Variants in DOC2A observed in about 807,000 individuals in gnomAD.
DOC2A encodes double C2-like domain-containing protein alpha.
Under a neutral mutation model 40.6 loss-of-function variants are expected in DOC2A, and 28 were observed. That is an observed-to-expected ratio of 0.69 (90% CI 0.51 to 0.95). DOC2A has a LOEUF of 0.95. DOC2A is among the 40% of genes least tolerant of loss of function. DOC2A has a pLI of 0.00. For synonymous variants in DOC2A, 241 were observed against 236.9 expected (o/e 1.02, Z -0.16); for missense variants, 474 against 552.5 (o/e 0.86, Z 1.42).
chr16:30,005,567 AC>A lies in DOC2A; in HGVS notation c.*618del. ...CTGCCATGCTCCGGCCACTGACACAACCAGAAAAGGCGTAAACATGCACGGG... is the reference window on the plus strand; with the variant it reads ...CTGCCATGCTCCGGCCACTGACACAACAGAAAAGGCGTAAACATGCACGGG... On this transcript the variant is annotated 3_prime_UTR_variant, in exon 11 of 11. Transcript: ENST00000350119. 1.1e-6 allele frequency: 1 copy of A among 947,144 alleles called. No homozygotes were observed. The highest frequency in any genetic ancestry group is 1.6e-6 in the Non-Finnish European group (1 of 621,458). 58.7% of individuals were successfully genotyped at this position (947,144 alleles called of 1,614,324 possible).
chr16:30,010,349 C>G lies in DOC2A; in HGVS notation c.-13-114G>C, dbSNP rs1235258498. 7.0e-7 allele frequency: 1 copy of G among 1,435,036 alleles called. No homozygotes were observed. The highest frequency in any genetic ancestry group is 9.7e-7 in the Non-Finnish European group (1 of 1,035,598). The allele number at this position is 1,435,036 out of a possible 1,614,324, so 88.9% of individuals were successfully genotyped here. On this transcript the variant is annotated intron_variant, in intron 1 of 10. Transcript: ENST00000350119. This position sits in a 1 kb window ranked among gnomAD's most constrained non-coding sequence, Gnocchi z 4.2. ...CTCACTGGCCTCCCTTCCTAGGTGT[C>G]GAGGGAGAGGGTGGTGTGTGCCAGC... is the stretch of plus-strand genomic sequence containing the variant.
In DOC2A at chr16:30,009,185, C is replaced by T. The variant is rs1367312801; in HGVS notation, c.417+17G>A. 5.6e-6 allele frequency: 9 copies of T among 1,605,716 alleles called. No individual in the cohort carries two copies. Among genetic ancestry groups the T allele is most frequent in the African/African-American group, 5.3e-5 (4 of 74,802 alleles). ...GAGTCATGGGCTGGGCCGGGCGGGG[C>T]GAGAGGAGGCTGTTACCTTACAGGC... On this transcript the variant is annotated intron_variant, in intron 4 of 10. Transcript: ENST00000350119. This position sits in a 1 kb window ranked among gnomAD's most constrained non-coding sequence, Gnocchi z 4.1.
At chr16:30,015,106 G>GTGAAAAAATAAAAATAATAA (rs2070842163), upstream of DOC2A, 1 of 151,954 alleles carries the variant, frequency 6.6e-6, no homozygotes, top group Admixed American at 6.6e-5. Context: ...AGCTGAGAGA[G>GTGAAAAAATAAAAATAATAA]TGAAAAAATA....
chr16:30,012,885 G>A (rs2070807997), upstream of DOC2A, among the ~76,000 whole-genome samples: 1 of 151,844 alleles, frequency 6.6e-6, no homozygotes, highest in Admixed American at 6.6e-5. Context: ...ATGTGTCTTG[G>A]GAGGCTGAGG....
rs915108378 is a variant in DOC2A, at chr16:30,018,149, TTGA to T, written c.-376+3031_-376+3033del. Among the ~76,000 whole-genome samples, 8 of 143,534 alleles carry T rather than the reference TTGA, an allele frequency of 5.6e-5. 1 individual carries two copies. The Admixed American group carries it at 5.6e-4, about 10-fold the overall frequency. The allele number at this position is 143,534 out of a possible 152,430, so 94.2% of individuals were successfully genotyped here. A position where few individuals can be genotyped will look rare whatever the true frequency, so the allele number is the denominator to read the frequency against. On this transcript the variant is annotated intron_variant, in intron 1 of 5. Transcript: ENST00000574405. The stretch of plus-strand genomic sequence containing the variant: ...AAAAAACTTAGCTGGGCATGATGAC[TTGA>T]TGATGCAGTCCCAGCTACTTGGGAG...
Position 30,006,019 on chromosome 16 carries a change from G to C in DOC2A, c.*167C>G. ...CAGGAGGTTTGCATATGTGAATATAGAACTCCGCAGCCCCTCATGAGCAGA... is the reference window on the plus strand; with the variant it reads ...CAGGAGGTTTGCATATGTGAATATACAACTCCGCAGCCCCTCATGAGCAGA... On this transcript the variant is annotated 3_prime_UTR_variant, in exon 11 of 11. Transcript: ENST00000350119. This position sits in a 1 kb window ranked among gnomAD's most constrained non-coding sequence, Gnocchi z 6.2. 1 of 748,080 alleles carries C rather than the reference G, an allele frequency of 1.3e-6. No individual in the cohort carries two copies. The highest frequency in any genetic ancestry group is 2.1e-6 in the Non-Finnish European group (1 of 471,364). The allele number at this position is 748,080 out of a possible 1,614,324, so 46.3% of individuals were successfully genotyped here. A position where few individuals can be genotyped will look rare whatever the true frequency, so the allele number is the denominator to read the frequency against.
upstream of DOC2A, among the ~76,000 whole-genome samples, chr16:30,015,706 T>C (rs1199211673): frequency 1.4e-5 from 2 of 146,782 alleles, no homozygotes; most frequent in Non-Finnish European, 3.0e-5. Flanking sequence ...TTTTTCTTTT[T>C]TTTTTTTTTT....
At position 30,006,207 on chromosome 16, in the gene DOC2A, G is replaced by A. The variant is rs1013103342; in HGVS notation, c.1182C>T (p.Ala394=). Residue 394 remains alanine, a synonymous_variant, in exon 11 of 11, where the codon GCC becomes GCT. Transcript: ENST00000350119. This position sits in a 1 kb window ranked among gnomAD's most constrained non-coding sequence, Gnocchi z 6.2. ...CCACTCAGGCTGAGGACAGAGCCCC[G>A]GCCGCAGGGGGCAGCTCACTGGTCA... The part of the protein sequence containing the change: ...HTLTSELPPA[A]GALSSA The A allele has an allele frequency of 1.3e-5, 21 of 1,585,204 alleles. No individual in the cohort carries two copies. In the East Asian group the frequency reaches 1.8e-4, roughly 14 times the overall value.
chr16:30,013,373 C>T (rs2070816379), upstream of DOC2A: 1 of 148,312 alleles, frequency 6.7e-6, no homozygotes, highest in Admixed American at 6.8e-5. Context: ...TCATGCCATT[C>T]TCCTGCCTCA....
upstream of DOC2A, among the ~76,000 whole-genome samples, chr16:30,014,006 C>T (rs965545517): frequency 2.6e-5 from 4 of 151,802 alleles, no homozygotes; most frequent in East Asian, 1.9e-4. Context: ...TGAGCCACCG[C>T]GCCTGGCCAT....
At position 30,009,000 on chromosome 16, in the gene DOC2A, G is replaced by A. The variant is rs1485633066; in HGVS notation, c.523C>T (p.Leu175Phe). 1 of 1,611,774 alleles carries A rather than the reference G, an allele frequency of 6.2e-7. No individual in the cohort carries two copies. Among genetic ancestry groups the A allele is most frequent in the Non-Finnish European group, 8.5e-7 (1 of 1,178,312 alleles). ...ITDDDITHKV[L>F]RIAVCDEDKL... ...GGTGGGGAGGGGGGCCCTCACCTGA[G>A]CACCTTGTGCGTGATGTCGTCATCT... The change falls in exon 5 of 11, where the codon CTC (leucine) becomes TTC (phenylalanine). Residue 175 changes from leucine to phenylalanine, a missense_variant. Leu to Phe is a conservative substitution (Grantham distance 22, BLOSUM62 0). Transcript: ENST00000350119.
chr16:30,014,130 G>A (rs1428158133), upstream of DOC2A, among the ~76,000 whole-genome samples: 1 of 151,296 alleles, frequency 6.6e-6, no homozygotes, highest in African/African-American at 2.4e-5. Context: ...AGTGAAATAG[G>A]GTGCAGCCAC....
Position 30,006,180 on chromosome 16 carries a change from G to A in DOC2A, c.*6C>T, listed in dbSNP as rs751740535. 201 of 1,575,780 alleles carry A rather than the reference G, an allele frequency of 1.3e-4. 1 individual carries two copies. Among genetic ancestry groups the A allele is most frequent in the Non-Finnish European group, 3.2e-5 (37 of 1,161,998 alleles). ...GATGGGCCTGTGCCGGGACACTGCT[G>A]TCCACTCAGGCTGAGGACAGAGCCC... On this transcript the variant is annotated 3_prime_UTR_variant, in exon 11 of 11. Coordinates refer to ENST00000350119, the MANE Select transcript of DOC2A (RefSeq NM_003586.3). The surrounding 1 kb of genome is among the most constrained non-coding windows in gnomAD (Gnocchi z 6.2).
At chr16:30,020,304 A>G (rs905136509) in intron 1 of DOC2A, among the ~76,000 whole-genome samples, 1 of 152,048 alleles carries the variant, frequency 6.6e-6, no homozygotes, top group Non-Finnish European at 1.5e-5. Flanking sequence ...TTGGCCTCCC[A>G]AAGTGCTGGG....
Position 30,009,036 on chromosome 16 carries a change from T to C in DOC2A, c.487A>G (p.Ser163Gly). The C allele has an allele frequency of 1.2e-6, 2 of 1,614,092 alleles. No individual in the cohort carries two copies. Among genetic ancestry groups the C allele is most frequent in the Non-Finnish European group, 1.7e-6 (2 of 1,180,010 alleles). ...GTGATGTCGTCATCTGTGATCCCGC[T>C]GTAAGTCAGGTCCTCATTCCACACG... ...NPVWNEDLTY[S>G]GITDDDITHK... is the part of the protein sequence containing the mutation. Residue 163 changes from serine (S) to glycine (G), a missense_variant, in exon 5 of 11, where the codon AGC becomes GGC. Ser to Gly is a moderately conservative substitution (Grantham distance 56). Transcript: ENST00000350119. This position sits in a 1 kb window ranked among gnomAD's most constrained non-coding sequence, Gnocchi z 4.1.
intron 1 of DOC2A, among the ~76,000 whole-genome samples, chr16:30,020,033 C>T (rs1055370218): frequency 5.9e-5 from 9 of 152,258 alleles, no homozygotes; most frequent in East Asian, 1.9e-4. Context: ...CTCAGCCTCC[C>T]GAGTAGCTGG....
chr16:30,010,868 T>C lies in DOC2A; in HGVS notation c.-14+35A>G. ...CAGGCTGGCACGCTTCCCCGCACCC[T>C]CACGCCCCCGGCCTGCCCAGCCCCC... is the stretch of plus-strand genomic sequence containing the variant. On this transcript the variant is annotated intron_variant, in intron 1 of 10. Coordinates refer to ENST00000350119, the MANE Select transcript of DOC2A (RefSeq NM_003586.3). This position sits in a 1 kb window ranked among gnomAD's most constrained non-coding sequence, Gnocchi z 4.2. The C allele has an allele frequency of 1.0e-6, 1 of 999,170 alleles. No individual in the cohort carries two copies. The highest frequency in any genetic ancestry group is 1.2e-6 in the Non-Finnish European group (1 of 837,644). The allele number at this position is 999,170 out of a possible 1,614,324, so 61.9% of individuals were successfully genotyped here.
chr16:30,016,355 T>G (rs1382158544), upstream of DOC2A, among the ~76,000 whole-genome samples: 1 of 152,058 alleles, frequency 6.6e-6, no homozygotes, highest in East Asian at 1.9e-4. Flanking sequence ...GGCCAATATT[T>G]CTAAAGTAAA....
upstream of DOC2A, chr16:30,012,377 G>C (rs2150959945): frequency 6.6e-6 from 1 of 152,234 alleles, no homozygotes; most frequent in South Asian, 2.1e-4. Flanking sequence ...GATTCATCTG[G>C]GAGTCCCTAA....
Sources: allele counts gnomAD v4.1 joint callset (sites outside exome capture counted in the v4.1 genomes callset), GRCh38; gene constraint gnomAD v4.1.1; non-coding constraint Gnocchi (gnomAD v3.1); transcripts MANE v1.5; gene names NCBI Gene and HGNC (gene_info 2026-07-23, HGNC 2026-07-21).